Variants in ANK2 observed in about 807,000 individuals in gnomAD.
The protein encoded by ANK2 is ankyrin-2.
A neutral mutation model predicts 360.5 loss-of-function variants in ANK2; 83 were observed. The ratio of observed to expected loss-of-function variants is 0.23; its 90% CI spans 0.19 to 0.28. The LOEUF (loss-of-function observed/expected upper bound fraction) is 0.28. Ranked by LOEUF, ANK2 falls within the 10% of genes least tolerant of loss-of-function variation. The pLI is 1.00. For missense variants in ANK2, 4,201 were observed against 4,795.7 expected, an observed-to-expected ratio of 0.88 and a Z score of 3.66; for synonymous variants, 1,740 against 1,759.5, an observed-to-expected ratio of 0.99 and a Z score of 0.28.
In ANK2 at chr4:113,381,809, A is replaced by G. The variant is rs2097178393; in HGVS notation, c.*338A>G. On this transcript the variant is annotated 3_prime_UTR_variant, in exon 46 of 46. Coordinates refer to ENST00000357077, the MANE Select transcript of ANK2 (RefSeq NM_001148.6). Reference sequence around the variant, plus strand: ...GTTTTCCCCCATCCTCTTTAACTATAAAGCTAATTTGTGACCAAAGATGGC... The same window carrying G: ...GTTTTCCCCCATCCTCTTTAACTATGAAGCTAATTTGTGACCAAAGATGGC... 1 of 598,556 alleles carries G rather than the reference A, an allele frequency of 1.7e-6. No individual in the cohort carries two copies. The highest frequency in any genetic ancestry group is 1.9e-5 in the African/African-American group (1 of 53,420). The allele number at this position is 598,556 out of a possible 1,614,324, so 37.1% of individuals were successfully genotyped here.
Position 113,356,750 on chromosome 4 carries a change from A to C in ANK2, c.8132A>C (p.Gln2711Pro). Residue 2711 changes from glutamine to proline, a missense_variant, in exon 38 of 46, where the codon CAG (glutamine) becomes CCG (proline). By Grantham distance (76) the Gln-to-Pro change is moderately conservative. Around this residue, in one of 4 missense-constraint regions of ANK2, gnomAD observed 2,642 missense variants for 2,714.5 expected, o/e 0.97. Coordinates refer to ENST00000357077, the MANE Select transcript of ANK2 (RefSeq NM_001148.6). ...SNSSPEEVQFQPVVSKQYTFK... is the reference protein window; with the variant it reads ...SNSSPEEVQFPPVVSKQYTFK... The stretch of plus-strand genomic sequence containing the variant: ...TCCAGTCCAGAAGAAGTACAATTCC[A>C]GCCTGTCGTTTCCAAACAATATACT... 1 of 1,614,144 alleles carries C rather than the reference A, an allele frequency of 6.2e-7. No individual in the cohort carries two copies. Among genetic ancestry groups the C allele is most frequent in the South Asian group, 1.1e-5 (1 of 91,086 alleles).
chr4:113,005,270 C>T (rs1448570614), intron 2 of ANK2, among the ~76,000 whole-genome samples: 1 of 151,922 alleles, frequency 6.6e-6, no homozygotes, highest in East Asian at 1.9e-4. Flanking sequence ...ATCAGTATAC[C>T]AAAGGGGTAC....
intron 1 of ANK2, among the ~76,000 whole-genome samples, chr4:113,056,313 C>G (rs1030873496): frequency 1.4e-4 from 22 of 152,256 alleles, no homozygotes; most frequent in African/African-American, 5.1e-4. Flanking sequence ...TCCATACACT[C>G]TTTTCTGAAG....
At chr4:112,974,873 G>A (rs866354456) in intron 2 of ANK2, among the ~76,000 whole-genome samples, 7 of 151,700 alleles carry the variant, frequency 4.6e-5, no homozygotes, top group East Asian at 1.9e-4. Context: ...GAACACAGGC[G>A]TGGCCTATGC....
intron 22 of ANK2, among the ~76,000 whole-genome samples, chr4:113,301,065 A>G (rs1411970723): frequency 1.3e-5 from 2 of 152,226 alleles, no homozygotes; most frequent in Non-Finnish European, 2.9e-5. Flanking sequence ...CAATTATCTA[A>G]CATCTAGGTC....
the ANK2 span, among the ~76,000 whole-genome samples, chr4:112,727,178 G>C: frequency 6.6e-6 from 1 of 151,894 alleles, no homozygotes; most frequent in African/African-American, 2.4e-5. Flanking sequence ...TGATATTGGA[G>C]AGAACATAAG....
chr4:113,300,945 G>T (rs2074637355), intron 22 of ANK2, among the ~76,000 whole-genome samples: 1 of 152,170 alleles, frequency 6.6e-6, no homozygotes, highest in Non-Finnish European at 1.5e-5. Flanking sequence ...AGTCAGAGTT[G>T]CTCAGTGGAA....
At position 113,355,689 on chromosome 4, in the gene ANK2, T is replaced by C. The variant is rs1243370538; in HGVS notation, c.7071T>C (p.Gly2357=). ...GTGATGAAGGTCAACGTACCTTTGGTAGTTCAGCCCACAAGACACAAACTG... is the reference window on the plus strand; with the variant it reads ...GTGATGAAGGTCAACGTACCTTTGGCAGTTCAGCCCACAAGACACAAACTG... ...AACDEGQRTF[G]SSAHKTQTDS... is the part of the protein sequence containing the mutation. Residue 2357 remains glycine (G), a synonymous_variant, in exon 38 of 46, where the codon GGT becomes GGC. Coordinates refer to ENST00000357077, the MANE Select transcript of ANK2 (RefSeq NM_001148.6). 6.2e-7 allele frequency: 1 copy of C among 1,614,106 alleles called. No homozygotes were observed. The highest frequency in any genetic ancestry group is 8.5e-7 in the Non-Finnish European group (1 of 1,179,980).
At chr4:113,049,889 G>A (rs2066159619) in intron 1 of ANK2, 77 bp downstream of exon 1, 8 of 1,540,218 alleles carry the variant, frequency 5.2e-6, no homozygotes, top group Non-Finnish European at 7.1e-6. Flanking sequence ...TATCAGCAAG[G>A]CTATGGAAAC....
intron 4 of ANK2, among the ~76,000 whole-genome samples, chr4:113,200,719 C>T (rs1227686662): frequency 6.6e-6 from 1 of 152,092 alleles, no homozygotes; most frequent in Non-Finnish European, 1.5e-5. Flanking sequence ...TTCTTTATCC[C>T]GTCAACCATT....
the ANK2 span, among the ~76,000 whole-genome samples, chr4:112,783,269 CAT>C: frequency 2.6e-5 from 4 of 152,204 alleles, no homozygotes; most frequent in Non-Finnish European, 5.9e-5. Flanking sequence ...CATGTGAACA[CAT>C]GTGTATTCAC....
intron 1 of ANK2, among the ~76,000 whole-genome samples, chr4:112,832,450 G>A (rs754133322): frequency 6.6e-6 from 1 of 152,160 alleles, no homozygotes; most frequent in Admixed American, 6.5e-5. Context: ...TCATTTTACA[G>A]TCACAAAATT....
At chr4:112,888,847 A>G (rs1042407967) in intron 1 of ANK2, among the ~76,000 whole-genome samples, 3 of 152,234 alleles carry the variant, frequency 2.0e-5, no homozygotes. Context: ...TTGTTGTGGT[A>G]CCAACATGTA....
At chr4:112,988,658 G>A (rs954502551) in intron 2 of ANK2, among the ~76,000 whole-genome samples, 1 of 152,180 alleles carries the variant, frequency 6.6e-6, no homozygotes, top group Non-Finnish European at 1.5e-5. Context: ...ACTTCTTTCT[G>A]TTAAATAGTA....
intron 1 of ANK2, among the ~76,000 whole-genome samples, chr4:113,083,972 G>A (rs758595377): frequency 1.3e-5 from 2 of 152,158 alleles, no homozygotes; most frequent in African/African-American, 2.4e-5. Flanking sequence ...TAGTGGAATC[G>A]TTGTGGGGTG....
chr4:112,735,973 T>C, the ANK2 span, among the ~76,000 whole-genome samples: 1 of 152,224 alleles, frequency 6.6e-6, no homozygotes, highest in African/African-American at 2.4e-5. Flanking sequence ...TAGCCTGTTA[T>C]ATTTGTAGTC....
intron 1 of ANK2, among the ~76,000 whole-genome samples, chr4:113,076,241 C>G (rs529176850): frequency 4.7e-4 from 71 of 152,340 alleles, no homozygotes; most frequent in African/African-American, 1.6e-3. Flanking sequence ...TGTTTTAAGA[C>G]AGTTTACAAA....
At chr4:113,345,724 CTGAA>C (rs1030212574) in intron 34 of ANK2, among the ~76,000 whole-genome samples, 172 bp from the exon 35 acceptor site, 7 of 152,094 alleles carry the variant, frequency 4.6e-5, no homozygotes, top group African/African-American at 1.4e-4. Flanking sequence ...AAAAAGAAAG[CTGAA>C]TGATTTTTAA....
chr4:112,872,462 C>T (rs561271115), intron 1 of ANK2, among the ~76,000 whole-genome samples: 6 of 152,192 alleles, frequency 3.9e-5, no homozygotes, highest in South Asian at 2.1e-4. Flanking sequence ...CTCAGCCTCC[C>T]GAGTAGCTGT....
Sources: allele counts gnomAD v4.1 joint callset (sites outside exome capture counted in the v4.1 genomes callset), GRCh38; gene constraint gnomAD v4.1.1; regional missense constraint gnomAD v4.1.1; transcripts MANE v1.5; gene names NCBI Gene and HGNC (gene_info 2026-07-23, HGNC 2026-07-21).